Variants in NKAIN2 observed in about 807,000 individuals in gnomAD.
NKAIN2 encodes the protein sodium/potassium transporting ATPase interacting 2.
Under a neutral mutation model 32.6 loss-of-function variants are expected in NKAIN2, and 14 were observed. That is an observed-to-expected ratio of 0.43 (90% CI 0.28 to 0.67). The LOEUF (loss-of-function observed/expected upper bound fraction) is 0.67. NKAIN2 is among the 30% of genes least tolerant of loss of function. The pLI is 0.17. For missense variants in NKAIN2, 198 were observed against 258.3 expected (o/e 0.77, Z 1.60); for synonymous variants, 80 against 87.2 (o/e 0.92, Z 0.46).
Position 124,682,281 on chromosome 6 carries a change from T to C in NKAIN2, c.474+23895T>C, listed in dbSNP as rs968130125. Among the ~76,000 whole-genome samples the C allele has an allele frequency of 2.6e-5, 4 of 152,218 alleles. No homozygotes were observed. The East Asian group carries it at 7.7e-4, about 29-fold the overall frequency. On this transcript the variant is annotated intron_variant, in intron 4 of 6. Transcript: ENST00000368417. ...AGAACTACCAAATTTTAATGACTAG[T>C]TCCCATTATAGGAAGGATGACCTTG... is the stretch of plus-strand genomic sequence containing the variant.
At chr6:124,017,109 G>T (rs912216908) in intron 1 of NKAIN2, among the ~76,000 whole-genome samples, 1 of 152,190 alleles carries the variant, frequency 6.6e-6, no homozygotes, top group Admixed American at 6.5e-5. Flanking sequence ...CATGGCGGAA[G>T]ACAAAGGAGA....
At chr6:124,056,207 A>T (rs770496969) in intron 1 of NKAIN2, among the ~76,000 whole-genome samples, 1 of 151,024 alleles carries the variant, frequency 6.6e-6, no homozygotes, top group Non-Finnish European at 1.5e-5. Context: ...GGAAACTGTC[A>T]TTTATTTTGT....
chr6:124,242,691 A>C (rs1582911022), intron 1 of NKAIN2, among the ~76,000 whole-genome samples: 1 of 152,152 alleles, frequency 6.6e-6, no homozygotes, highest in South Asian at 2.1e-4. Context: ...GGACGTATAC[A>C]CCATGGAATA....
At chr6:123,966,459 T>G (rs761554544) in intron 1 of NKAIN2, among the ~76,000 whole-genome samples, 5 of 152,114 alleles carry the variant, frequency 3.3e-5, no homozygotes, top group African/African-American at 7.2e-5. Context: ...TTTTATAGGA[T>G]TTTTGCTATA....
intron 1 of NKAIN2, among the ~76,000 whole-genome samples, chr6:124,235,799 A>G (rs1483541042): frequency 6.6e-6 from 1 of 151,914 alleles, no homozygotes; most frequent in Non-Finnish European, 1.5e-5. Flanking sequence ...GGGTTTCACC[A>G]TGTTGGCCAG....
At chr6:124,268,412 G>GTTGCTTCAGAGACAATGTCTTAACTTT (rs1794600243) in intron 1 of NKAIN2, among the ~76,000 whole-genome samples, 1 of 152,130 alleles carries the variant, frequency 6.6e-6, no homozygotes, top group Non-Finnish European at 1.5e-5. Context: ...AGTAGTATCA[G>GTTGCTTCAGAGACAATGTCTTAACTTT]TTGCTTCAGA....
chr6:124,527,904 T>C (rs1240769987), intron 3 of NKAIN2, among the ~76,000 whole-genome samples: 1 of 152,166 alleles, frequency 6.6e-6, no homozygotes, highest in Non-Finnish European at 1.5e-5. Flanking sequence ...GAAGTCTAGT[T>C]AGATAACTTC....
intron 3 of NKAIN2, among the ~76,000 whole-genome samples, chr6:124,541,079 T>C (rs1397262472): frequency 1.3e-5 from 2 of 152,190 alleles, no homozygotes; most frequent in African/African-American, 4.8e-5. Flanking sequence ...ACTCAGTAAA[T>C]GTTACACAGT....
intron 2 of NKAIN2, among the ~76,000 whole-genome samples, chr6:124,311,746 T>C (rs1796726679): frequency 6.6e-6 from 1 of 152,198 alleles, no homozygotes; most frequent in Admixed American, 6.5e-5. Flanking sequence ...AGTCACAACA[T>C]GTTCACTAGT....
At chr6:123,835,581 G>A (rs1416203898) in intron 1 of NKAIN2, among the ~76,000 whole-genome samples, 2 of 152,094 alleles carry the variant, frequency 1.3e-5, no homozygotes, top group Admixed American at 1.3e-4. Flanking sequence ...TTTTGGAAGA[G>A]ACTCTCTATG....
At chr6:124,821,061 G>A (rs762585052) in intron 6 of NKAIN2, among the ~76,000 whole-genome samples, 8 of 152,230 alleles carry the variant, frequency 5.3e-5, no homozygotes, top group Admixed American at 2.0e-4. Context: ...TTGGGAGGCC[G>A]AGACAGGTGG....
At chr6:124,598,054 C>T (rs1054725917) in intron 3 of NKAIN2, among the ~76,000 whole-genome samples, 4 of 152,142 alleles carry the variant, frequency 2.6e-5, no homozygotes, top group African/African-American at 9.7e-5. Context: ...AGCTGTCTAA[C>T]CTTTTCCTGA....
chr6:124,481,027 G>A (rs1489694525), intron 3 of NKAIN2, among the ~76,000 whole-genome samples: 1 of 152,088 alleles, frequency 6.6e-6, no homozygotes, highest in Non-Finnish European at 1.5e-5. Flanking sequence ...AAAAAGCACA[G>A]CCTCAGATTC....
intron 5 of NKAIN2, among the ~76,000 whole-genome samples, chr6:124,801,112 C>T (rs1414279474): frequency 6.6e-6 from 1 of 152,170 alleles, no homozygotes; most frequent in Non-Finnish European, 1.5e-5. Flanking sequence ...AAGGCCCCAA[C>T]TTTTTCATCA....
intron 4 of NKAIN2, among the ~76,000 whole-genome samples, chr6:124,735,156 C>T (rs1466953195): frequency 6.6e-6 from 1 of 151,918 alleles, no homozygotes; most frequent in Non-Finnish European, 1.5e-5. Context: ...TCAGGAATTT[C>T]ATTTCTGCAC....
chr6:124,285,322 T>C (rs1489541078), intron 2 of NKAIN2, among the ~76,000 whole-genome samples: 1 of 152,156 alleles, frequency 6.6e-6, no homozygotes, highest in African/African-American at 2.4e-5. Flanking sequence ...TCTCTTACAA[T>C]ATCATGCTGT....
rs1777999646 is a variant in NKAIN2 at position 123,964,761 on chromosome 6, A to G, written c.54+160507A>G. On this transcript the variant is annotated intron_variant, in intron 1 of 6. Coordinates refer to ENST00000368417, the MANE Select transcript of NKAIN2 (RefSeq NM_001040214.3). The surrounding 1 kb of genome is among the most constrained non-coding windows in gnomAD (Gnocchi z 4.0). The stretch of plus-strand genomic sequence containing the variant: ...CAGCTCCACTCCTGTTCCTGGAGGA[A>G]GGCCAGCCTATGTTCAAAACTAAAT... Among the ~76,000 whole-genome samples the G allele has an allele frequency of 6.6e-6, 1 of 152,116 alleles. No individual in the cohort carries two copies. Among genetic ancestry groups the G allele is most frequent in the Non-Finnish European group, 1.5e-5 (1 of 68,020 alleles).
intron 3 of NKAIN2, among the ~76,000 whole-genome samples, chr6:124,512,262 G>T (rs899383728): frequency 3.3e-5 from 5 of 152,232 alleles, no homozygotes; most frequent in South Asian, 4.1e-4. Flanking sequence ...ACACCATGGG[G>T]TGATGATCTT....
chr6:124,014,072 C>T (rs1780460301), intron 1 of NKAIN2, among the ~76,000 whole-genome samples: 1 of 152,146 alleles, frequency 6.6e-6, no homozygotes, highest in Non-Finnish European at 1.5e-5. Flanking sequence ...CAACAGGAAA[C>T]TAATGTATAA....
Sources: allele counts gnomAD v4.1 joint callset (sites outside exome capture counted in the v4.1 genomes callset), GRCh38; gene constraint gnomAD v4.1.1; non-coding constraint Gnocchi (gnomAD v3.1); transcripts MANE v1.5; gene names NCBI Gene and HGNC (gene_info 2026-07-23, HGNC 2026-07-21).